The following CNTNAP3B variants were observed in gnomAD, a reference collection of about 807,000 sequenced individuals.
The protein encoded by CNTNAP3B is contactin-associated protein-like 3B.
CNTNAP3B carries 25 observed loss-of-function variants against 108.9 expected under a neutral mutation model. The observed-to-expected ratio is 0.23, with a 90% CI of 0.17 to 0.32. The LOEUF (loss-of-function observed/expected upper bound fraction) is 0.32. Among genes scored for constraint, CNTNAP3B ranks in the 10% least tolerant of loss-of-function variants. The pLI, the probability that CNTNAP3B is intolerant of heterozygous loss-of-function variation, is 1.00. For missense variants in CNTNAP3B, 252 were observed against 1,210.4 expected (o/e 0.21, Z 11.75); for synonymous variants, 103 against 473.4 (o/e 0.22, Z 10.16).
chr9:41,964,732 C>G (rs1825216888), intron 10 of CNTNAP3B, 88 bp from the exon 11 acceptor site: 21 of 1,523,230 alleles, frequency 1.4e-5, no homozygotes, highest in Non-Finnish European at 1.9e-5. Flanking sequence ...TGTGAAAGGC[C>G]AGCATACGCA....
intron 11 of CNTNAP3B, among the ~76,000 whole-genome samples, 189 bp from the exon 12 acceptor site, chr9:41,961,081 T>G (rs1382597078): frequency 1.2e-4 from 18 of 152,298 alleles, no homozygotes; most frequent in Non-Finnish European, 4.4e-5. Context: ...CTATTTTTAT[T>G]AACAAAGGAG....
chr9:42,084,912 T>TA, intron 2 of CNTNAP3B, among the ~76,000 whole-genome samples: 2 of 65,246 alleles, frequency 3.1e-5, no homozygotes, highest in South Asian at 1.2e-3. Flanking sequence ...TATGACAACC[T>TA]AAAAAAATCC....
In CNTNAP3B at chr9:42,044,909, C is replaced by G. The variant is rs1826840805; in HGVS notation, c.391-31384G>C. 1.9e-5 allele frequency among the ~76,000 whole-genome samples: 2 copies of G among 103,146 alleles called. 1 individual carries two copies. Among genetic ancestry groups the G allele is most frequent in the Non-Finnish European group, 4.2e-5 (2 of 48,026 alleles). The allele number at this position is 103,146 out of a possible 152,430, so 67.7% of individuals were successfully genotyped here. Reference sequence around the variant, plus strand: ...GCAAGCTGAAAGCAATAAAAATGTACTGGACTGTGATAAAAAGGACATTTT... The same window carrying G: ...GCAAGCTGAAAGCAATAAAAATGTAGTGGACTGTGATAAAAAGGACATTTT... On this transcript the variant is annotated intron_variant, in intron 3 of 23. Coordinates refer to ENST00000377561, the MANE Select transcript of CNTNAP3B (RefSeq NM_001201380.3).
chr9:41,956,451 C>A lies in CNTNAP3B; in HGVS notation c.1877-3065G>T, dbSNP rs577788566. The stretch of plus-strand genomic sequence containing the variant: ...TGAAATAGGGATGCATATGGTTTCA[C>A]ATAGGGAAGTCGCAATATTGTAAGT... On this transcript the variant is annotated intron_variant, in intron 12 of 23. Transcript: ENST00000377561. 4.6e-5 allele frequency among the ~76,000 whole-genome samples: 7 copies of A among 152,368 alleles called. No individual in the cohort carries two copies. The East Asian group carries it at 1.3e-3, about 29-fold the overall frequency.
intron 15 of CNTNAP3B, among the ~76,000 whole-genome samples, chr9:41,925,569 C>G (rs1230697141): frequency 6.1e-4 from 93 of 152,064 alleles, no homozygotes; most frequent in South Asian, 4.2e-4. Flanking sequence ...CTCCAGCCTG[C>G]GCAACAGAGC....
intron 15 of CNTNAP3B, among the ~76,000 whole-genome samples, chr9:41,925,711 G>A (rs1280184957): frequency 6.6e-6 from 1 of 152,288 alleles, no homozygotes; most frequent in Non-Finnish European, 1.5e-5. Flanking sequence ...CTATTCAATG[G>A]TTTATACTCT....
chr9:41,918,264 T>C (rs1362999834), intron 18 of CNTNAP3B, among the ~76,000 whole-genome samples: 122 of 149,262 alleles, frequency 8.2e-4, no homozygotes, highest in Non-Finnish European at 6.7e-4. Flanking sequence ...GGTCAGAATT[T>C]AGAAATGTTC....
intron 3 of CNTNAP3B, among the ~76,000 whole-genome samples, chr9:42,033,229 A>C (rs1826556578): frequency 6.9e-6 from 1 of 145,928 alleles, no homozygotes; most frequent in Non-Finnish European, 1.5e-5. Flanking sequence ...AATATTCTTG[A>C]AAACTAATCT....
At chr9:41,983,937 C>G (rs1222572889) in intron 9 of CNTNAP3B, among the ~76,000 whole-genome samples, 1 of 99,294 alleles carries the variant, frequency 1.0e-5, no homozygotes, top group Non-Finnish European at 2.1e-5. Context: ...GTAGTCCCAG[C>G]TACTCAGGAG....
At chr9:41,943,522 T>G (rs1443132073) in intron 13 of CNTNAP3B, among the ~76,000 whole-genome samples, 9 of 151,930 alleles carry the variant, frequency 5.9e-5, no homozygotes, top group Non-Finnish European at 8.8e-5. Flanking sequence ...CCAGCTAATT[T>G]TTTGTATTTT....
intron 2 of CNTNAP3B, among the ~76,000 whole-genome samples, chr9:42,094,722 G>A (rs1226228147): frequency 1.1e-5 from 1 of 89,144 alleles, no homozygotes; most frequent in Non-Finnish European, 2.3e-5. Flanking sequence ...AAGCAAGGAA[G>A]GAAGGAAGGA....
chr9:41,953,471 A>G (rs1183973126), intron 12 of CNTNAP3B, 85 bp from the exon 13 acceptor site: 4 of 1,493,376 alleles, frequency 2.7e-6, no homozygotes, highest in African/African-American at 1.4e-5. Context: ...ATGTGAATTA[A>G]CGTTTAATTG....
At chr9:42,029,522 C>T (rs1334591803) in intron 3 of CNTNAP3B, among the ~76,000 whole-genome samples, 1 of 122,262 alleles carries the variant, frequency 8.2e-6, no homozygotes, top group African/African-American at 3.4e-5. Flanking sequence ...AGTATGATCA[C>T]ATATACATTC....
At position 41,997,697 on chromosome 9, in the gene CNTNAP3B, C is replaced by T. The variant is rs746822065; in HGVS notation, c.798G>A (p.Leu266=). 2 of 1,600,142 alleles carry T rather than the reference C, an allele frequency of 1.2e-6. No individual in the cohort carries two copies. The highest frequency in any genetic ancestry group is 2.3e-5 in the East Asian group (1 of 43,974). ...IAPVTLTLGS[L]LDDQHWHSVL... is the part of the protein sequence containing the mutation. ...CGGAATGCCAGTGCTGGTCATCCAG[C>T]AGGCTGCCCAGGGTGAGGGTCACAG... The change falls in exon 6 of 24, where the codon CTG becomes CTA. Residue 266 remains leucine, a synonymous_variant. Coordinates refer to ENST00000377561, the MANE Select transcript of CNTNAP3B (RefSeq NM_001201380.3).
At chr9:42,109,412 T>C (rs1828144640) in intron 1 of CNTNAP3B, among the ~76,000 whole-genome samples, 1 of 146,684 alleles carries the variant, frequency 6.8e-6, no homozygotes, top group African/African-American at 2.6e-5. Flanking sequence ...CAAACAGCAA[T>C]TCATTATTCT....
Position 41,977,702 on chromosome 9 carries a change from C to A in CNTNAP3B, c.1478-7457G>T, listed in dbSNP as rs1364950064. Reference sequence around the variant, plus strand: ...GCGCAGTCTCAGCTCACTGTATAAGCTCTGCCTCCCAGGTTCATGCCATTC... The same window carrying A: ...GCGCAGTCTCAGCTCACTGTATAAGATCTGCCTCCCAGGTTCATGCCATTC... On this transcript the variant is annotated intron_variant, in intron 9 of 23. Transcript: ENST00000377561. Among the ~76,000 whole-genome samples, 5 of 130,450 alleles carry A rather than the reference C, an allele frequency of 3.8e-5. No homozygotes were observed. The East Asian group carries it at 9.4e-4, about 25-fold the overall frequency. The allele number at this position is 130,450 out of a possible 152,430, so 85.6% of individuals were successfully genotyped here.
chr9:42,070,607 A>G (rs1184439100), intron 3 of CNTNAP3B, among the ~76,000 whole-genome samples: 27 of 151,040 alleles, frequency 1.8e-4, no homozygotes, highest in African/African-American at 6.1e-4. Context: ...TGTAACACAC[A>G]CTCAGACTGA....
intron 2 of CNTNAP3B, among the ~76,000 whole-genome samples, chr9:42,091,001 CAT>C (rs1319462408): frequency 1.2e-4 from 6 of 50,006 alleles, no homozygotes; most frequent in African/African-American, 2.2e-4. Flanking sequence ...CACACACACA[CAT>C]ATAGTATATA....
chr9:41,994,835 C>T (rs1825867811), intron 7 of CNTNAP3B: 1 of 209,382 alleles, frequency 4.8e-6, no homozygotes. Flanking sequence ...TAAATATTCC[C>T]ATGATGTGCT....
Sources: allele counts gnomAD v4.1 joint callset (sites outside exome capture counted in the v4.1 genomes callset), GRCh38; gene constraint gnomAD v4.1.1; transcripts MANE v1.5; gene names NCBI Gene and HGNC (gene_info 2026-07-23, HGNC 2026-07-21).